FAHD2B: variants seen among roughly 807,000 people sequenced by gnomAD.
FAHD2B encodes the protein fumarylacetoacetate hydrolase domain containing 2B.
Under a neutral mutation model 33.7 loss-of-function variants are expected in FAHD2B, and 26 were observed. The observed-to-expected ratio is 0.77, with a 90% CI of 0.57 to 1.07. The LOEUF is 1.07. Ranked by LOEUF, FAHD2B falls within the 50% of genes least tolerant of loss-of-function variation. The pLI is 0.00. For synonymous variants in FAHD2B, 108 were observed against 150.9 expected (o/e 0.72, Z 2.08); for missense variants, 272 against 388.1 (o/e 0.70, Z 2.51).
chr2:97,082,528 C>A, downstream of FAHD2B: 1 of 1,604,300 alleles, frequency 6.2e-7, no homozygotes, highest in Non-Finnish European at 8.5e-7. Context: ...GCTGCTGCCC[C>A]CTGCCAGACA....
chr2:97,087,826 T>C (rs912668455), intron 4 of FAHD2B, among the ~76,000 whole-genome samples: 5 of 152,084 alleles, frequency 3.3e-5, no homozygotes, highest in Non-Finnish European at 7.4e-5. Context: ...ACCACATAGA[T>C]TGCTTGTTAA....
chr2:97,085,683 G>A lies in FAHD2B; in HGVS notation c.685+16C>T, dbSNP rs367829223. ...GTGCAATGGTAGGTACCAGGGGGCAGGGACCAGGGACCTACCTGCTACACT... is the reference window on the plus strand; with the variant it reads ...GTGCAATGGTAGGTACCAGGGGGCAAGGACCAGGGACCTACCTGCTACACT... On this transcript the variant is annotated intron_variant, in intron 6 of 8. Coordinates refer to ENST00000414820, the MANE Select transcript of FAHD2B (RefSeq NM_001320848.2). The A allele has an allele frequency of 2.7e-5, 43 of 1,613,488 alleles. No individual in the cohort carries two copies. The highest frequency in any genetic ancestry group is 3.6e-5 in the Non-Finnish European group (42 of 1,179,766).
At chr2:97,093,935 A>G (rs1259690861) in intron 1 of FAHD2B, among the ~76,000 whole-genome samples, 1 of 152,138 alleles carries the variant, frequency 6.6e-6, no homozygotes, top group Non-Finnish European at 1.5e-5. Flanking sequence ...GGTGACATTG[A>G]AGTCCTTGGT....
downstream of FAHD2B, chr2:97,083,307 G>C: frequency 6.3e-7 from 1 of 1,584,822 alleles, no homozygotes; most frequent in South Asian, 1.2e-5. Flanking sequence ...CCAGAACACA[G>C]CTGTGTCCTA....
rs563382692 is a variant in FAHD2B, at chr2:97,091,767, C to G, written c.-6-55G>C. On this transcript the variant is annotated intron_variant, in intron 2 of 8. Transcript: ENST00000414820. Reference sequence around the variant, plus strand: ...TGGAGGATCTCAGAGCCATCATCAGCATCCCTGATATTCCTAGGGCTATAG... The same window carrying G: ...TGGAGGATCTCAGAGCCATCATCAGGATCCCTGATATTCCTAGGGCTATAG... 1.5e-4 allele frequency: 228 copies of G among 1,567,470 alleles called. 2 individuals carry two copies. The Middle Eastern group carries it at 4.1e-3, about 28-fold the overall frequency.
At chr2:97,081,125 C>A, downstream of FAHD2B, 1 of 1,498,294 alleles carries the variant, frequency 6.7e-7, no homozygotes, top group Non-Finnish European at 8.9e-7. Flanking sequence ...GGGCTGCTGG[C>A]AGGCAGAGTG....
intron 6 of FAHD2B, 50 bp from the exon 7 acceptor site, chr2:97,084,327 C>T (rs745398719): frequency 1.1e-5 from 18 of 1,605,730 alleles, no homozygotes; most frequent in Non-Finnish European, 1.4e-5. Flanking sequence ...CCCCTCAAAC[C>T]CCCCAGTGTT....
rs1559133797 is a variant in FAHD2B, at chr2:97,083,733, T to C, written c.*22A>G. 1.9e-6 allele frequency: 3 copies of C among 1,614,098 alleles called. No homozygotes were observed. Among genetic ancestry groups the C allele is most frequent in the Non-Finnish European group, 8.5e-7 (1 of 1,180,030 alleles). On this transcript the variant is annotated 3_prime_UTR_variant, in exon 9 of 9. Coordinates refer to ENST00000414820, the MANE Select transcript of FAHD2B (RefSeq NM_001320848.2). ...AGTGGGAGCAGATGCCCTCATCCTA[T>C]GTCGGGCCTGTGCAGGAGCCATCAC...
In FAHD2B at chr2:97,086,129, T is replaced by C; in HGVS notation, c.522+10A>G. On this transcript the variant is annotated intron_variant, in intron 5 of 8. Coordinates refer to ENST00000414820, the MANE Select transcript of FAHD2B (RefSeq NM_001320848.2). Reference sequence around the variant, plus strand: ...CACTCTGGCCTGGGAGCCCACCCTTTCCACCTCACCTTGATGTGCTTGCCT... The same window carrying C: ...CACTCTGGCCTGGGAGCCCACCCTTCCCACCTCACCTTGATGTGCTTGCCT... The C allele has an allele frequency of 6.2e-7, 1 of 1,612,820 alleles. No homozygotes were observed. Among genetic ancestry groups the C allele is most frequent in the Non-Finnish European group, 8.5e-7 (1 of 1,179,600 alleles).
chr2:97,079,425 C>A (rs1292941211), downstream of FAHD2B, among the ~76,000 whole-genome samples: 5 of 152,180 alleles, frequency 3.3e-5, no homozygotes, highest in East Asian at 9.6e-4. Context: ...CATAACCTTG[C>A]CAGCACCTGT....
rs572162639 is a variant in FAHD2B at position 97,092,017 on chromosome 2, C to G, written c.-132-29G>C. On this transcript the variant is annotated intron_variant, in intron 1 of 8. Transcript: ENST00000414820. ...TAGGTATTGGGGAAACAATGTAGGT[C>G]AAACTCAGCCCTGCCATTCTCCCTG... 768 of 302,456 alleles carry G rather than the reference C, an allele frequency of 2.5e-3. 6 individuals carry two copies. The highest frequency in any genetic ancestry group is 7.1e-3 in the African/African-American group (335 of 47,370). 18.7% of individuals were successfully genotyped at this position (302,456 alleles called of 1,614,324 possible).
intron 1 of FAHD2B, among the ~76,000 whole-genome samples, 183 bp from the exon 2 acceptor site, chr2:97,092,171 G>T (rs2032387658): frequency 2.0e-5 from 3 of 152,162 alleles, no homozygotes; most frequent in African/African-American, 7.2e-5. Flanking sequence ...GGCTAAATGA[G>T]CAGGACCAGG....
Position 97,091,619 on chromosome 2 carries a change from C to T in FAHD2B, c.88G>A (p.Val30Met). 2 of 1,613,984 alleles carry T rather than the reference C, an allele frequency of 1.2e-6. No homozygotes were observed. Among genetic ancestry groups the T allele is most frequent in the Non-Finnish European group, 1.7e-6 (2 of 1,180,020 alleles). ...PFQPSRDMRLVQFRAPHLVGP... is the reference protein window; with the variant it reads ...PFQPSRDMRLMQFRAPHLVGP... ...ACCAGGTGGGGTGCCCGGAACTGCA[C>T]TAGTCTCATGTCTCTGGAGGGTTGA... The change falls in exon 3 of 9, where the codon GTG (valine) becomes ATG (methionine). Residue 30 changes from valine (V) to methionine (M), a missense_variant. By Grantham distance (21) the Val-to-Met change is conservative (BLOSUM62 1). Transcript: ENST00000414820.
In FAHD2B at chr2:97,085,763, C is replaced by T; in HGVS notation, c.621G>A (p.Leu207=). The change falls in exon 6 of 9, where the codon CTG becomes CTA. Residue 207 remains leucine, a synonymous_variant. Coordinates refer to ENST00000414820, the MANE Select transcript of FAHD2B (RefSeq NM_001320848.2). The stretch of plus-strand genomic sequence containing the variant: ...GGCAGAAGGTGTCGAAGGTTTTTCC[C>T]AGCAGCCACTGTTTCCCATTGCGTC... ...LTRRNGKQWL[L]GKTFDTFCPL... 6.2e-7 allele frequency: 1 copy of T among 1,613,824 alleles called. No individual in the cohort carries two copies. The highest frequency in any genetic ancestry group is 8.5e-7 in the Non-Finnish European group (1 of 1,179,862).
intron 4 of FAHD2B, chr2:97,089,696 T>A (rs2032214310): frequency 5.3e-6 from 1 of 187,660 alleles, no homozygotes; most frequent in African/African-American, 2.3e-5. Context: ...CAAGGTAACC[T>A]AAATATGTCA....
downstream of FAHD2B, chr2:97,081,577 C>A: frequency 6.6e-7 from 1 of 1,518,270 alleles, no homozygotes; most frequent in African/African-American, 1.5e-5. Flanking sequence ...AGCCTCCCAC[C>A]CTGAGTGCCA....
chr2:97,094,095 C>G (rs1337549395), intron 1 of FAHD2B, among the ~76,000 whole-genome samples: 3 of 152,054 alleles, frequency 2.0e-5, no homozygotes, highest in Admixed American at 2.0e-4. Context: ...AAGTAGGGAC[C>G]TCCCACAGGA....
chr2:97,091,604 G>T lies in FAHD2B; in HGVS notation c.103C>A (p.Pro35Thr). The T allele has an allele frequency of 6.2e-7, 1 of 1,613,936 alleles. No homozygotes were observed. The highest frequency in any genetic ancestry group is 8.5e-7 in the Non-Finnish European group (1 of 1,180,014). ...CCCAAGTGAGGCCCCACCAGGTGGG[G>T]TGCCCGGAACTGCACTAGTCTCATG... ...RDMRLVQFRA[P>T]HLVGPHLGLE... The change falls in exon 3 of 9, where the codon CCC (proline) becomes ACC (threonine). Residue 35 changes from proline (P) to threonine (T), a missense_variant. Pro to Thr is a conservative substitution (Grantham distance 38). Coordinates refer to ENST00000414820, the MANE Select transcript of FAHD2B (RefSeq NM_001320848.2).
downstream of FAHD2B, chr2:97,083,195 C>A (rs548497228): frequency 6.2e-7 from 1 of 1,607,504 alleles, no homozygotes; most frequent in Admixed American, 1.7e-5. Flanking sequence ...CTATCCCCTA[C>A]TTTTGCCAGC....
Sources: allele counts gnomAD v4.1 joint callset (sites outside exome capture counted in the v4.1 genomes callset), GRCh38; gene constraint gnomAD v4.1.1; transcripts MANE v1.5; gene names NCBI Gene and HGNC (gene_info 2026-07-23, HGNC 2026-07-21).